FBRSL1: variants seen among roughly 807,000 people sequenced by gnomAD.
FBRSL1 encodes the protein fibrosin like 1.
In FBRSL1, 51 loss-of-function variants were observed where a neutral mutation model predicts 89.6. The observed-to-expected ratio is 0.57, with a 90% CI of 0.45 to 0.72. FBRSL1 has a LOEUF of 0.72. FBRSL1 is among the 30% of genes least tolerant of loss of function. FBRSL1 has a pLI of 0.00. For missense variants in FBRSL1, 1,618 were observed against 1,451.8 expected, an observed-to-expected ratio of 1.11 and a Z score of -1.86; for synonymous variants, 779 against 681.1, an observed-to-expected ratio of 1.14 and a Z score of -2.24.
intron 1 of FBRSL1, among the ~76,000 whole-genome samples, chr12:132,503,651 CA>C (rs1269638948): frequency 6.6e-6 from 1 of 152,204 alleles, no homozygotes; most frequent in African/African-American, 2.4e-5. Context: ...GCTTTTGACC[CA>C]AGGCAGAGAG....
At chr12:132,522,910 T>G (rs2035482644) in intron 2 of FBRSL1, among the ~76,000 whole-genome samples, 1 of 152,062 alleles carries the variant, frequency 6.6e-6, no homozygotes, top group African/African-American at 2.4e-5. Flanking sequence ...CTGGGAACAG[T>G]CACTCCTTTG....
chr12:132,519,299 C>G (rs969852458), intron 2 of FBRSL1, among the ~76,000 whole-genome samples: 1 of 152,216 alleles, frequency 6.6e-6, no homozygotes, highest in African/African-American at 2.4e-5. Flanking sequence ...GAGCTCTTTA[C>G]CTAGCCTGGT....
At chr12:132,513,004 C>G (rs1432454339) in intron 2 of FBRSL1, among the ~76,000 whole-genome samples, 1 of 152,232 alleles carries the variant, frequency 6.6e-6, no homozygotes, top group Non-Finnish European at 1.5e-5. Context: ...TGCTGGACAT[C>G]CATGTTGTGT....
At chr12:132,500,024 C>T (rs1326290935) in intron 1 of FBRSL1, among the ~76,000 whole-genome samples, 2 of 152,154 alleles carry the variant, frequency 1.3e-5, no homozygotes, top group African/African-American at 4.8e-5. Context: ...CCACGCCCGT[C>T]TTCCCGGCCC....
At chr12:132,511,489 G>A in intron 2 of FBRSL1, 1 of 986,086 alleles carries the variant, frequency 1.0e-6, no homozygotes, top group African/African-American at 1.7e-5. Context: ...TGGAGTCCAA[G>A]GCACGCCACT....
chr12:132,538,247 C>T lies in FBRSL1; in HGVS notation c.616-9756C>T, dbSNP rs1386974393. On this transcript the variant is annotated intron_variant, in intron 4 of 18. Coordinates refer to ENST00000680143, the MANE Select transcript of FBRSL1 (RefSeq NM_001367871.1). ...AACCAGGGCTCCAGCCCCACGTTCTCGCCGACGCAGGGCTCTCCAGGCCTG... is the reference window on the plus strand; with the variant it reads ...AACCAGGGCTCCAGCCCCACGTTCTTGCCGACGCAGGGCTCTCCAGGCCTG... 5.3e-5 allele frequency among the ~76,000 whole-genome samples: 8 copies of T among 152,312 alleles called. No individual in the cohort carries two copies. In the East Asian group the frequency reaches 7.7e-4, roughly 15 times the overall value.
intron 2 of FBRSL1, chr12:132,509,571 T>A: frequency 5.7e-6 from 7 of 1,232,120 alleles, no homozygotes; most frequent in Non-Finnish European, 6.1e-6. Flanking sequence ...GCTGACCCCG[T>A]GTCACCACTG....
At chr12:132,512,325 T>C (rs1397894649) in intron 2 of FBRSL1, among the ~76,000 whole-genome samples, 1 of 152,216 alleles carries the variant, frequency 6.6e-6, no homozygotes, top group Non-Finnish European at 1.5e-5. Flanking sequence ...TGGGCACGCG[T>C]GAGGGAGCAT....
chr12:132,563,693 C>T (rs2039334041), intron 5 of FBRSL1, among the ~76,000 whole-genome samples: 1 of 148,400 alleles, frequency 6.7e-6, no homozygotes, highest in African/African-American at 2.5e-5. Flanking sequence ...CTTTTTGACA[C>T]ATACCTACGA....
intron 1 of FBRSL1, among the ~76,000 whole-genome samples, chr12:132,495,603 C>T (rs1662368242): frequency 6.6e-6 from 1 of 152,214 alleles, no homozygotes; most frequent in Non-Finnish European, 1.5e-5. Flanking sequence ...GCTTTACCCA[C>T]AGCCATGGGG....
At chr12:132,527,842 G>A (rs2035931315) in intron 3 of FBRSL1, 111 bp from the exon 4 acceptor site, 1 of 1,014,278 alleles carries the variant, frequency 9.9e-7, no homozygotes, top group African/African-American at 1.6e-5. Flanking sequence ...TGAGCTGCAG[G>A]GCTGCGGGGC....
chr12:132,490,637 G>A lies in FBRSL1; in HGVS notation c.67G>A (p.Ala23Thr). ...AQRDRGRRRE[A>T]ARDARAQSPS... ...GCGGGACCGTGGCCGGCGCCGGGAG[G>A]CCGCCCGCGACGCCCGCGCCCAGAG... Residue 23 changes from alanine (A) to threonine (T), a missense_variant, in exon 1 of 19, where the codon GCC (alanine) becomes ACC (threonine). Coordinates refer to ENST00000680143, the MANE Select transcript of FBRSL1 (RefSeq NM_001367871.1). 2.0e-6 allele frequency: 2 copies of A among 983,654 alleles called. No homozygotes were observed. Among genetic ancestry groups the A allele is most frequent in the South Asian group, 9.0e-5 (2 of 22,234 alleles). The allele number at this position is 983,654 out of a possible 1,614,324, so 60.9% of individuals were successfully genotyped here.
At chr12:132,573,131 A>T (rs1233677754) in intron 11 of FBRSL1, among the ~76,000 whole-genome samples, 1 of 152,180 alleles carries the variant, frequency 6.6e-6, no homozygotes, top group East Asian at 1.9e-4. Flanking sequence ...GACCCTCCTC[A>T]CTGTTCCTGG....
chr12:132,490,863 T>C lies in FBRSL1; in HGVS notation c.291+2T>C. 7.9e-7 allele frequency: 1 copy of C among 1,263,474 alleles called. No homozygotes were observed. Among genetic ancestry groups the C allele is most frequent in the Middle Eastern group, 1.9e-4 (1 of 5,216 alleles). 78.3% of individuals were successfully genotyped at this position (1,263,474 alleles called of 1,614,324 possible). A position where few individuals can be genotyped will look rare whatever the true frequency, so the allele number is the denominator to read the frequency against. On this transcript the variant is annotated splice_donor_variant, in intron 1 of 18. Transcript: ENST00000680143. LOFTEE classifies it high-confidence loss of function. ...TTCAGCACCCTGGAGGCCCTGGAGG[T>C]AGGTGGACGGGTGCGGCTTCGCAGG...
intron 2 of FBRSL1, among the ~76,000 whole-genome samples, chr12:132,520,418 A>G (rs1263359477): frequency 6.6e-6 from 1 of 152,178 alleles, no homozygotes; most frequent in Admixed American, 6.5e-5. Context: ...GAACTGGGTC[A>G]CTTCCTTTCC....
intron 2 of FBRSL1, among the ~76,000 whole-genome samples, chr12:132,520,183 C>G (rs1284849058): frequency 6.6e-6 from 1 of 151,278 alleles, no homozygotes; most frequent in Non-Finnish European, 1.5e-5. Context: ...TCCTTGTACC[C>G]CTCCAGCACA....
chr12:132,510,005 G>T, intron 2 of FBRSL1: 1 of 1,231,650 alleles, frequency 8.1e-7, no homozygotes, highest in South Asian at 4.1e-5. Flanking sequence ...GCCCCAGGCA[G>T]CCCCAGCGGT....
intron 1 of FBRSL1, among the ~76,000 whole-genome samples, chr12:132,505,458 G>A (rs768132107): frequency 7.2e-5 from 11 of 152,152 alleles, no homozygotes; most frequent in Non-Finnish European, 1.3e-4. Context: ...CTGGACTCCT[G>A]TCCCGGCCCC....
intron 16 of FBRSL1, 92 bp downstream of exon 16, chr12:132,581,608 G>A: frequency 6.7e-7 from 1 of 1,488,666 alleles, no homozygotes; most frequent in South Asian, 1.2e-5. Flanking sequence ...GTGGCCCCGA[G>A]CCCCAGGGAG....
Sources: gnomAD v4.1 joint callset for allele counts (sites outside exome capture counted in the v4.1 genomes callset) on GRCh38, gnomAD v4.1.1 for gene constraint, MANE v1.5 for transcripts, NCBI Gene and HGNC (gene_info 2026-07-23, HGNC 2026-07-21) for gene names.